POU2F1: variants seen among roughly 807,000 people sequenced by gnomAD.
POU2F1 encodes the protein POU domain, class 2, transcription factor 1.
A neutral mutation model predicts 84.9 loss-of-function variants in POU2F1; 16 were observed. The ratio of observed to expected loss-of-function variants is 0.19; its 90% CI spans 0.13 to 0.29. POU2F1 has a LOEUF of 0.29. Ranked by LOEUF, POU2F1 falls within the 10% of genes least tolerant of loss-of-function variation. POU2F1 has a pLI of 1.00. For synonymous variants in POU2F1, 368 were observed against 368.3 expected, an observed-to-expected ratio of 1.00 and a Z score of 0.01; for missense variants, 738 against 942.6, an observed-to-expected ratio of 0.78 and a Z score of 2.84.
intron 1 of POU2F1, among the ~76,000 whole-genome samples, chr1:167,273,273 A>G (rs1447548528): frequency 6.6e-6 from 1 of 152,088 alleles, no homozygotes; most frequent in African/African-American, 2.4e-5. Context: ...TGGCTTTTCC[A>G]GGTACACAGA....
chr1:167,334,271 C>T (rs1261614060), intron 2 of POU2F1, among the ~76,000 whole-genome samples: 1 of 150,470 alleles, frequency 6.6e-6, no homozygotes, highest in Non-Finnish European at 1.5e-5. Context: ...AGCGATTCTC[C>T]TGCCTCAGCC....
In POU2F1 at chr1:167,290,633, C is replaced by T. The variant is rs139925363; in HGVS notation, c.62-41837C>T. ...GTACAGTGCCTATGCATAGTAATCT[C>T]TCAAAATTGTTTGTTGAGTGAGTGA... On this transcript the variant is annotated intron_variant, in intron 1 of 15. Coordinates refer to ENST00000367866, the MANE Select transcript of POU2F1 (RefSeq NM_002697.4). Among the ~76,000 whole-genome samples the T allele has an allele frequency of 4.9e-3, 743 of 152,276 alleles. 2 individuals carry two copies. The highest frequency in any genetic ancestry group is 0.015 in the South Asian group (72 of 4,828).
intron 1 of POU2F1, among the ~76,000 whole-genome samples, chr1:167,222,382 TC>T (rs1648296453): frequency 6.6e-6 from 1 of 152,202 alleles, no homozygotes; most frequent in Non-Finnish European, 1.5e-5. Context: ...TTTCCCCGCC[TC>T]TCATGTTTAG....
chr1:167,312,127 G>A lies in POU2F1; in HGVS notation c.62-20343G>A, dbSNP rs192779259. 4.6e-5 allele frequency among the ~76,000 whole-genome samples: 7 copies of A among 151,964 alleles called. No individual in the cohort carries two copies. In the East Asian group the frequency reaches 9.7e-4, roughly 21 times the overall value. ...TTTTTGTAATTTTTTAAATAGAGATGGGGTTTCACCATTTTGGTCAGGCTG... is the reference window on the plus strand; with the variant it reads ...TTTTTGTAATTTTTTAAATAGAGATAGGGTTTCACCATTTTGGTCAGGCTG... On this transcript the variant is annotated intron_variant, in intron 1 of 15. Coordinates refer to ENST00000367866, the MANE Select transcript of POU2F1 (RefSeq NM_002697.4).
At chr1:167,234,988 CT>C (rs754866940) in intron 1 of POU2F1, among the ~76,000 whole-genome samples, 8 of 152,196 alleles carry the variant, frequency 5.3e-5, no homozygotes, top group Non-Finnish European at 8.8e-5. Context: ...TTACCAACCA[CT>C]TCCTTTCTCC....
chr1:167,388,650 G>A (rs1648161678), intron 8 of POU2F1, among the ~76,000 whole-genome samples: 1 of 152,204 alleles, frequency 6.6e-6, no homozygotes, highest in Non-Finnish European at 1.5e-5. Flanking sequence ...GAGTAAGTCA[G>A]TGGTAGTGCT....
intron 9 of POU2F1, among the ~76,000 whole-genome samples, chr1:167,395,753 C>T (rs1188697228): frequency 6.6e-6 from 1 of 151,806 alleles, no homozygotes; most frequent in Non-Finnish European, 1.5e-5. Context: ...TACAGGCACA[C>T]GCCACCATAC....
At chr1:167,280,353 A>C (rs1207901979) in intron 1 of POU2F1, among the ~76,000 whole-genome samples, 1 of 148,830 alleles carries the variant, frequency 6.7e-6, no homozygotes, top group African/African-American at 2.5e-5. Flanking sequence ...CATTACTGTT[A>C]TGTAGGGTTT....
intron 1 of POU2F1, among the ~76,000 whole-genome samples, chr1:167,303,826 C>T (rs1557880431): frequency 6.6e-6 from 1 of 152,032 alleles, no homozygotes; most frequent in Admixed American, 6.6e-5. Context: ...ACTCTGGTCT[C>T]TTTTGAAAAG....
At chr1:167,370,986 C>G (rs1255853726) in intron 4 of POU2F1, among the ~76,000 whole-genome samples, 1 of 152,096 alleles carries the variant, frequency 6.6e-6, no homozygotes, top group African/African-American at 2.4e-5. Context: ...GAGGGAAAGA[C>G]AGTATTATGG....
At chr1:167,310,191 G>T (rs181158184) in intron 1 of POU2F1, among the ~76,000 whole-genome samples, 2 of 152,128 alleles carry the variant, frequency 1.3e-5, no homozygotes, top group Admixed American at 6.5e-5. Flanking sequence ...GTTAGAGAGG[G>T]GAAGAAAGGG....
chr1:167,333,616 C>G (rs1273498055), intron 2 of POU2F1, among the ~76,000 whole-genome samples: 1 of 152,204 alleles, frequency 6.6e-6, no homozygotes, highest in Non-Finnish European at 1.5e-5. Context: ...AATCTCTAAA[C>G]TGTACATACC....
Position 167,376,777 on chromosome 1 carries a change from G to A in POU2F1, c.718+622G>A, listed in dbSNP as rs1660358370. 1.3e-5 allele frequency among the ~76,000 whole-genome samples: 2 copies of A among 151,844 alleles called. 1 individual carries two copies. The highest frequency in any genetic ancestry group is 4.1e-4 in the South Asian group (2 of 4,826). On this transcript the variant is annotated intron_variant, in intron 7 of 15. Transcript: ENST00000367866. ...TTATTATTTCTGAGTGGGTTTTTTT[G>A]CCTTTTTTCTTCTTGATCATTCATT...
At chr1:167,400,582 A>G (rs1044150551) in intron 12 of POU2F1, among the ~76,000 whole-genome samples, 1 of 152,220 alleles carries the variant, frequency 6.6e-6, no homozygotes, top group East Asian at 1.9e-4. Context: ...GAAACAACAT[A>G]TGATCCTTTC....
chr1:167,259,611 G>A (rs1010412216), intron 1 of POU2F1, among the ~76,000 whole-genome samples: 10 of 152,096 alleles, frequency 6.6e-5, no homozygotes, highest in African/African-American at 2.2e-4. Context: ...TAGAGTGCAT[G>A]GACAAAATGT....
intron 1 of POU2F1, among the ~76,000 whole-genome samples, chr1:167,288,538 A>G (rs1653693288): frequency 6.6e-6 from 1 of 152,128 alleles, no homozygotes; most frequent in South Asian, 2.1e-4. Context: ...AAACAGTTAA[A>G]AATTAGCCAG....
rs200164889 is a variant in POU2F1, at chr1:167,279,567, AG to A, written c.62-52898del. 1.4e-3 allele frequency among the ~76,000 whole-genome samples: 211 copies of A among 152,298 alleles called. 3 individuals are homozygous for A. In the East Asian group the frequency reaches 0.034, roughly 25 times the overall value. On this transcript the variant is annotated intron_variant, in intron 1 of 15. Coordinates refer to ENST00000367866, the MANE Select transcript of POU2F1 (RefSeq NM_002697.4). ...GGGAACTGCAGCTTAAATGTTCCAG[AG>A]GGGGCCGTGCATGGTGGCTCACACC...
chr1:167,406,803 A>G (rs1649608720), intron 13 of POU2F1, among the ~76,000 whole-genome samples: 1 of 152,066 alleles, frequency 6.6e-6, no homozygotes, highest in South Asian at 2.1e-4. Flanking sequence ...AATAAACTTA[A>G]AAGAAGTGTA....
chr1:167,262,320 T>C (rs1651627819), intron 1 of POU2F1, among the ~76,000 whole-genome samples: 1 of 152,190 alleles, frequency 6.6e-6, no homozygotes, highest in African/African-American at 2.4e-5. Context: ...TGCCCACCAC[T>C]GTGTCTGGTG....
Sources: gnomAD v4.1 joint callset for allele counts (sites outside exome capture counted in the v4.1 genomes callset) on GRCh38, gnomAD v4.1.1 for gene constraint, MANE v1.5 for transcripts, NCBI Gene and HGNC (gene_info 2026-07-23, HGNC 2026-07-21) for gene names.